The following HDAC9 variants were observed in gnomAD, a reference collection of about 807,000 sequenced individuals.
The protein encoded by HDAC9 is histone deacetylase 9, also known as MEF-2 interacting transcription repressor (MITR) protein.
A neutral mutation model predicts 139.4 loss-of-function variants in HDAC9; 41 were observed. That is an observed-to-expected ratio of 0.29 (90% CI 0.23 to 0.38). The LOEUF (loss-of-function observed/expected upper bound fraction) is 0.38, where lower values mean the gene tolerates loss of function less well. Among genes scored for constraint, HDAC9 ranks in the 10% least tolerant of loss-of-function variants. The pLI, the probability that HDAC9 is intolerant of heterozygous loss-of-function variation, is 1.00. For synonymous variants in HDAC9, 517 were observed against 476.2 expected, an observed-to-expected ratio of 1.09 and a Z score of -1.12; for missense variants, 1,147 against 1,297.0, an observed-to-expected ratio of 0.88 and a Z score of 1.78.
At chr7:18,227,482 G>A (rs1335616599) in intron 2 of HDAC9, among the ~76,000 whole-genome samples, 1 of 152,006 alleles carries the variant, frequency 6.6e-6, no homozygotes, top group Non-Finnish European at 1.5e-5. Flanking sequence ...CAAAGTGATT[G>A]CACAGCAATT....
intron 13 of HDAC9, among the ~76,000 whole-genome samples, chr7:18,745,529 C>T (rs1432498596): frequency 1.6e-4 from 21 of 134,102 alleles, no homozygotes; most frequent in Non-Finnish European, 2.8e-4. Flanking sequence ...AGACTCTCTA[C>T]TCTTTTTTTT....
chr7:18,743,532 T>G (rs1254122186), intron 13 of HDAC9, among the ~76,000 whole-genome samples: 1 of 151,792 alleles, frequency 6.6e-6, no homozygotes, highest in Non-Finnish European at 1.5e-5. Context: ...AGTTCTGTGT[T>G]CTTGTTAAAA....
upstream of HDAC9, among the ~76,000 whole-genome samples, chr7:18,287,616 G>A (rs574580593): frequency 5.3e-5 from 8 of 152,120 alleles, no homozygotes; most frequent in South Asian, 1.0e-3. Context: ...ACAGTTGAGA[G>A]CAGATGGCCA....
chr7:18,113,077 A>C (rs1248996541), intron 1 of HDAC9, among the ~76,000 whole-genome samples: 1 of 152,206 alleles, frequency 6.6e-6, no homozygotes, highest in Non-Finnish European at 1.5e-5. Flanking sequence ...CCTTGAACAC[A>C]GGAAGGACCC....
intron 17 of HDAC9, among the ~76,000 whole-genome samples, chr7:18,805,148 C>T (rs7810384): frequency 0.44 from 67,655 of 152,060 alleles, 18,734 homozygotes; most frequent in African/African-American, 0.79. Flanking sequence ...CCTGCTCAGT[C>T]CCCTTCCTAA....
chr7:18,171,640 G>T (rs1189748640), intron 2 of HDAC9, among the ~76,000 whole-genome samples: 2 of 152,164 alleles, frequency 1.3e-5, no homozygotes. Flanking sequence ...AGTTTATTGA[G>T]AATTTTTAGC....
chr7:18,386,209 T>A (rs1303253580), intron 1 of HDAC9, among the ~76,000 whole-genome samples: 1 of 152,144 alleles, frequency 6.6e-6, no homozygotes, highest in Non-Finnish European at 1.5e-5. Context: ...ACCATGTACC[T>A]TGTATAGATC....
chr7:18,763,989 A>G (rs980466438), intron 15 of HDAC9, among the ~76,000 whole-genome samples: 2 of 152,160 alleles, frequency 1.3e-5, no homozygotes, highest in Admixed American at 6.5e-5. Flanking sequence ...TATAAGATAA[A>G]TGAAGTTTAA....
intron 13 of HDAC9, among the ~76,000 whole-genome samples, chr7:18,730,520 G>T (rs1199937662): frequency 6.6e-6 from 1 of 152,110 alleles, no homozygotes; most frequent in East Asian, 1.9e-4. Context: ...CTTCTTATCT[G>T]CATGGGGGCT....
Position 18,115,092 on chromosome 7 carries a change from C to T in HDAC9, c.-97+27879C>T, listed in dbSNP as rs1584128386. Among the ~76,000 whole-genome samples, 4 of 152,276 alleles carry T rather than the reference C, an allele frequency of 2.6e-5. No individual in the cohort carries two copies. In the East Asian group the frequency reaches 7.7e-4, roughly 29 times the overall value. On this transcript the variant is annotated intron_variant, in intron 1 of 12. Transcript: ENST00000417496. The stretch of plus-strand genomic sequence containing the variant: ...GGATCACAAGGTCAGGAGATCGAGA[C>T]CATCGTGGCTAACACGGTGAAACCC...
chr7:18,915,169 C>T (rs1478375686), intron 22 of HDAC9, among the ~76,000 whole-genome samples: 1 of 152,012 alleles, frequency 6.6e-6, no homozygotes, highest in Non-Finnish European at 1.5e-5. Flanking sequence ...TTGAAATGCA[C>T]AGTTTTTATT....
At chr7:18,679,421 T>A (rs929779753) in intron 12 of HDAC9, among the ~76,000 whole-genome samples, 1 of 151,880 alleles carries the variant, frequency 6.6e-6, no homozygotes, top group Non-Finnish European at 1.5e-5. Context: ...CTAGTTTAAA[T>A]TTTTTTTCTA....
intron 1 of HDAC9, among the ~76,000 whole-genome samples, chr7:18,350,251 C>T (rs1008544731): frequency 6.6e-6 from 1 of 151,914 alleles, no homozygotes; most frequent in African/African-American, 2.4e-5. Flanking sequence ...AATGTTAATG[C>T]CAAGTTTTGA....
intron 17 of HDAC9, among the ~76,000 whole-genome samples, chr7:18,819,880 T>C (rs1475547148): frequency 1.3e-5 from 2 of 152,224 alleles, no homozygotes; most frequent in African/African-American, 4.8e-5. Context: ...AGAAAGGTAC[T>C]ATAGGATATA....
At chr7:18,969,637 T>G (rs944075222) in intron 24 of HDAC9, among the ~76,000 whole-genome samples, 2 of 151,762 alleles carry the variant, frequency 1.3e-5, no homozygotes, top group Admixed American at 6.6e-5. Context: ...AATGAAGAGA[T>G]AAATTAAAAA....
chr7:18,484,535 G>C (rs934463987), intron 1 of HDAC9, among the ~76,000 whole-genome samples: 5 of 152,092 alleles, frequency 3.3e-5, no homozygotes, highest in Non-Finnish European at 5.9e-5. Context: ...TATTATGTCT[G>C]CTGAGTGTTT....
upstream of HDAC9, among the ~76,000 whole-genome samples, chr7:18,287,620 A>G (rs561123828): frequency 2.6e-5 from 4 of 152,316 alleles, no homozygotes; most frequent in South Asian, 2.1e-4. Flanking sequence ...TTGAGAGCAG[A>G]TGGCCACAGT....
intron 1 of HDAC9, among the ~76,000 whole-genome samples, chr7:18,360,033 C>T (rs2128687622): frequency 6.6e-6 from 1 of 152,302 alleles, no homozygotes; most frequent in South Asian, 2.1e-4. Flanking sequence ...ACGGTTACCT[C>T]ACCTTCCACC....
chr7:18,273,761 A>G (rs1294191025), intron 2 of HDAC9, among the ~76,000 whole-genome samples: 1 of 152,222 alleles, frequency 6.6e-6, no homozygotes, highest in Non-Finnish European at 1.5e-5. Context: ...TACCAAAAAT[A>G]ATATAAGTAA....
Sources: allele counts gnomAD v4.1 joint callset (sites outside exome capture counted in the v4.1 genomes callset), GRCh38; gene constraint gnomAD v4.1.1; transcripts MANE v1.5; gene names NCBI Gene and HGNC (gene_info 2026-07-23, HGNC 2026-07-21).